The following BTN2A1 variants were observed in gnomAD, a reference collection of about 807,000 sequenced individuals.
BTN2A1 encodes butyrophilin subfamily 2 member A1, also known as butyrophilin, subfamily 2, member A1.
BTN2A1 carries 41 observed loss-of-function variants against 34.5 expected under a neutral mutation model. The ratio of observed to expected loss-of-function variants is 1.19; its 90% CI spans 0.93 to 1.54. The LOEUF is 1.54. BTN2A1 is among the 40% of genes most tolerant of loss of function. BTN2A1 has a pLI of 0.00. For synonymous variants in BTN2A1, 267 were observed against 258.6 expected, an observed-to-expected ratio of 1.03 and a Z score of -0.31; for missense variants, 642 against 662.0, an observed-to-expected ratio of 0.97 and a Z score of 0.33.
intron 7 of BTN2A1, among the ~76,000 whole-genome samples, chr6:26,466,309 T>C (rs1454390599): frequency 6.6e-6 from 1 of 152,162 alleles, no homozygotes; most frequent in African/African-American, 2.4e-5. Flanking sequence ...CCAGGATCCT[T>C]TATCTTTTGG....
In BTN2A1 at chr6:26,468,398, C is replaced by G. The variant is rs201238249; in HGVS notation, c.1433C>G (p.Ser478Ter). The change falls in exon 8 of 8, where the codon TCA (serine) becomes TGA (stop). Residue 478 changes from serine (S) to a stop codon, truncating the protein, a stop_gained. Coordinates refer to ENST00000312541, the MANE Select transcript of BTN2A1 (RefSeq NM_007049.5). LOFTEE classifies it low-confidence loss of function (END_TRUNC). ...DRSHIYTCPR[S>*]AFSVPVRPFF... ...TCGCACATCTACACATGTCCCCGTT[C>G]AGCCTTTTCCGTGCCTGTGAGGCCC... is the stretch of plus-strand genomic sequence containing the variant. The G allele has an allele frequency of 4.4e-4, 714 of 1,614,216 alleles. 1 individual carries two copies. Among genetic ancestry groups the G allele is most frequent in the Admixed American group, 6.7e-4 (40 of 60,030 alleles).
rs149051276 is a variant in BTN2A1 at position 26,476,086 on chromosome 6, C to T, written c.983-36C>T. ...TGCTCATTTATATGCAACCCATGAA[C>T]GCCTCCCTTCTCCTATGTCTCCTTT... On this transcript the variant is annotated intron_variant, in intron 7 of 7. Transcript: ENST00000469185. 1.2e-3 allele frequency: 1,839 copies of T among 1,509,622 alleles called. 3 individuals are homozygous for T. Among genetic ancestry groups the T allele is most frequent in the African/African-American group, 1.5e-3 (110 of 72,424 alleles). The allele number at this position is 1,509,622 out of a possible 1,614,324, so 93.5% of individuals were successfully genotyped here. A position where few individuals can be genotyped will look rare whatever the true frequency, so the allele number is the denominator to read the frequency against.
chr6:26,461,615 T>G (rs1763166262), intron 3 of BTN2A1, among the ~76,000 whole-genome samples: 1 of 152,152 alleles, frequency 6.6e-6, no homozygotes, highest in Non-Finnish European at 1.5e-5. Flanking sequence ...AAACCCTGTC[T>G]TTACTAAAAT....
chr6:26,475,891 AATTTAT>A (rs1246985497), intron 7 of BTN2A1, among the ~76,000 whole-genome samples: 4 of 152,182 alleles, frequency 2.6e-5, no homozygotes, highest in African/African-American at 9.7e-5. Flanking sequence ...CATCAATCTA[AATTTAT>A]ATTTAAATTT....
downstream of BTN2A1, among the ~76,000 whole-genome samples, chr6:26,471,649 AGAAGGAAGGAAGGAAAG>A (rs947281009): frequency 3.4e-5 from 5 of 147,990 alleles, no homozygotes; most frequent in African/African-American, 1.1e-4. Flanking sequence ...GAAAAGAGAG[AGAAGGAAGGAAGGAAAG>A]GAAGGAAGGA....
intron 4 of BTN2A1, 141 bp from the exon 5 acceptor site, chr6:26,465,044 A>G (rs1313668633): frequency 5.0e-5 from 36 of 715,074 alleles, no homozygotes; most frequent in Admixed American, 8.3e-5. Context: ...GTGAGCCAGC[A>G]TCACTTTCTC....
At chr6:26,476,322 C>A in exon 8 of BTN2A1, 1 of 802,714 alleles carries the variant, frequency 1.2e-6, no homozygotes, top group South Asian at 1.4e-5. Context: ...ATCAGCTAGG[C>A]TGAAGCTCCT....
At chr6:26,471,161 C>T (rs1763443035), downstream of BTN2A1, among the ~76,000 whole-genome samples, 1 of 152,186 alleles carries the variant, frequency 6.6e-6, no homozygotes. Context: ...GAATCAGGAA[C>T]ATATATTTAA....
At chr6:26,462,602 G>A (rs1763194325) in intron 3 of BTN2A1, among the ~76,000 whole-genome samples, 1 of 152,208 alleles carries the variant, frequency 6.6e-6, no homozygotes, top group African/African-American at 2.4e-5. Flanking sequence ...GGTAAACAGT[G>A]TGAATTAGGA....
intron 3 of BTN2A1, among the ~76,000 whole-genome samples, chr6:26,461,784 AAAATAAATCAAT>A (rs1296128247): frequency 2.4e-5 from 1 of 41,346 alleles, no homozygotes; most frequent in Non-Finnish European, 4.6e-5. Context: ...CTCTGTCTAA[AAAATAAATCAAT>A]AAATAAATAA....
At chr6:26,473,172 AC>A (rs1763479932), downstream of BTN2A1, among the ~76,000 whole-genome samples, 1 of 151,834 alleles carries the variant, frequency 6.6e-6, no homozygotes, top group Non-Finnish European at 1.5e-5. Context: ...ATCACTGGGG[AC>A]CCATTGCTAC....
At chr6:26,467,597 T>G in intron 7 of BTN2A1, 1 of 1,068,526 alleles carries the variant, frequency 9.4e-7, no homozygotes, top group Non-Finnish European at 1.3e-6. Flanking sequence ...CAGGCGTGAG[T>G]CACCACGCCT....
chr6:26,458,559 G>C, intron 1 of BTN2A1, 48 bp from the exon 2 acceptor site: 1 of 1,511,856 alleles, frequency 6.6e-7, no homozygotes, highest in Non-Finnish European at 9.2e-7. Flanking sequence ...GGCCCGACCA[G>C]CACTGAGGTG....
rs1339731219 is a variant in BTN2A1 at position 26,463,443 on chromosome 6, A to T, written c.630A>T (p.Arg210Ser). The T allele has an allele frequency of 1.2e-6, 2 of 1,614,174 alleles. No individual in the cohort carries two copies. Among genetic ancestry groups the T allele is most frequent in the Middle Eastern group, 3.3e-4 (2 of 6,062 alleles). The change falls in exon 4 of 8, where the codon AGA becomes AGT. Residue 210 changes from arginine (R) to serine (S), a missense_variant. By Grantham distance (110) the Arg-to-Ser change is moderately radical (BLOSUM62 -1). Coordinates refer to ENST00000312541, the MANE Select transcript of BTN2A1 (RefSeq NM_007049.5). ...LFMVTTAVII[R>S]DKSVRNMSCS... ...TGGTCACCACGGCTGTGATCATCAG[A>T]GACAAGTCTGTGAGGAACATGTCCT...
Position 26,465,369 on chromosome 6 carries a change from A to G in BTN2A1, c.897A>G (p.Lys299=). Residue 299 remains lysine (K), a synonymous_variant, in exon 5 of 8, where the codon AAA becomes AAG. Transcript: ENST00000312541. Reference sequence around the variant, plus strand: ...AAATTGCTCTAAAGGAACTGGAGAAAGAACGTGTGCAAAAAGAGGAAGAAC... The same window carrying G: ...AAATTGCTCTAAAGGAACTGGAGAAGGAACGTGTGCAAAAAGAGGAAGAAC... The part of the protein sequence containing the change: ...TREIALKELE[K]ERVQKEEELQ... 1.9e-6 allele frequency: 3 copies of G among 1,614,186 alleles called. No homozygotes were observed. The highest frequency in any genetic ancestry group is 2.5e-6 in the Non-Finnish European group (3 of 1,180,028).
At chr6:26,462,029 A>AAAT (rs10692365) in intron 3 of BTN2A1, among the ~76,000 whole-genome samples, 64 of 150,860 alleles carry the variant, frequency 4.2e-4, no homozygotes, top group East Asian at 1.2e-3. Flanking sequence ...AAAAAAAAAA[A>AAAT]TTTTTTTTTA....
intron 5 of BTN2A1, 68 bp from the exon 6 acceptor site, chr6:26,465,885 G>T: frequency 6.2e-7 from 1 of 1,611,224 alleles, no homozygotes; most frequent in Admixed American, 1.7e-5. Context: ...TTCCTGCATT[G>T]TTTACTAAAA....
At chr6:26,463,158 T>C in intron 3 of BTN2A1, 86 bp from the exon 4 acceptor site, 1 of 1,430,170 alleles carries the variant, frequency 7.0e-7, no homozygotes, top group South Asian at 1.4e-5. Flanking sequence ...TACCTTTACT[T>C]TCTAGCTTCA....
intron 7 of BTN2A1, 51 bp downstream of exon 7, chr6:26,466,139 G>A (rs1191254841): frequency 1.2e-6 from 2 of 1,612,570 alleles, no homozygotes; most frequent in South Asian, 2.2e-5. Context: ...ACACTAGCCA[G>A]CTAACAGGAC....
Sources: gnomAD v4.1 joint callset for allele counts (sites outside exome capture counted in the v4.1 genomes callset) on GRCh38, gnomAD v4.1.1 for gene constraint, MANE v1.5 for transcripts, NCBI Gene and HGNC (gene_info 2026-07-23, HGNC 2026-07-21) for gene names.